Variants in SDK1 observed in about 807,000 individuals in gnomAD.
SDK1 encodes the protein protein sidekick-1.
SDK1 carries 157 observed loss-of-function variants against 245.5 expected under a neutral mutation model. That is an observed-to-expected ratio of 0.64 (90% CI 0.56 to 0.73). The LOEUF is 0.73. Among genes scored for constraint, SDK1 ranks in the 30% least tolerant of loss-of-function variants. The pLI is 0.00. For missense variants in SDK1, 3,583 were observed against 3,002.3 expected (o/e 1.19, Z -4.52); for synonymous variants, 1,647 against 1,278.5 (o/e 1.29, Z -6.15).
intron 29 of SDK1, among the ~76,000 whole-genome samples, chr7:4,146,606 A>G (rs952827681): frequency 2.0e-5 from 3 of 152,242 alleles, no homozygotes; most frequent in African/African-American, 7.2e-5. Flanking sequence ...GCAAGGCTGC[A>G]GAGTCACCAC....
intron 4 of SDK1, among the ~76,000 whole-genome samples, chr7:3,801,145 A>G (rs1056074641): frequency 1.3e-5 from 2 of 152,236 alleles, no homozygotes; most frequent in Admixed American, 6.5e-5. Flanking sequence ...ATGATTAAAT[A>G]AGACACATCA....
At chr7:3,949,862 A>T (rs2128124730) in intron 5 of SDK1, among the ~76,000 whole-genome samples, 1 of 152,364 alleles carries the variant, frequency 6.6e-6, no homozygotes, top group African/African-American at 2.4e-5. Context: ...TTGAAACTGC[A>T]GTAACAGAAC....
At chr7:3,676,465 A>G (rs576869693) in intron 4 of SDK1, among the ~76,000 whole-genome samples, 2 of 151,998 alleles carry the variant, frequency 1.3e-5, no homozygotes, top group South Asian at 4.2e-4. Context: ...AGCTGGGACT[A>G]CAGGCGCCTG....
rs1584446736 is a variant in SDK1, at chr7:4,207,559, C to T, written c.5215-540C>T. On this transcript the variant is annotated intron_variant, in intron 36 of 44. Transcript: ENST00000404826. Reference sequence around the variant, plus strand: ...TGTTGTTTTTGATTGCTTTAATCTCCAAAGTATATTGCCATATTGAGGAAA... The same window carrying T: ...TGTTGTTTTTGATTGCTTTAATCTCTAAAGTATATTGCCATATTGAGGAAA... 3.3e-5 allele frequency among the ~76,000 whole-genome samples: 5 copies of T among 152,138 alleles called. No homozygotes were observed. The South Asian group carries it at 1.0e-3, about 31-fold the overall frequency.
In SDK1 at chr7:3,534,519, A is replaced by C. The variant is rs147914000; in HGVS notation, c.299-84561A>C. ...TCCTAGAAACAATATATAGCATTCAAATTTCTCCACATCCTCCCCAGCACT... is the reference window on the plus strand; with the variant it reads ...TCCTAGAAACAATATATAGCATTCACATTTCTCCACATCCTCCCCAGCACT... On this transcript the variant is annotated intron_variant, in intron 1 of 44. Coordinates refer to ENST00000404826, the MANE Select transcript of SDK1 (RefSeq NM_152744.4). 2.4e-4 allele frequency among the ~76,000 whole-genome samples: 36 copies of C among 152,194 alleles called. No individual in the cohort carries two copies. The East Asian group carries it at 6.8e-3, about 29-fold the overall frequency.
At chr7:3,466,892 A>C (rs1392852098) in intron 1 of SDK1, among the ~76,000 whole-genome samples, 2 of 151,728 alleles carry the variant, frequency 1.3e-5, no homozygotes, top group Non-Finnish European at 1.5e-5. Flanking sequence ...ATTGATTTTT[A>C]AAGCTGGAAA....
At chr7:3,970,080 C>T (rs1782368436) in intron 11 of SDK1, among the ~76,000 whole-genome samples, 1 of 152,166 alleles carries the variant, frequency 6.6e-6, no homozygotes, top group African/African-American at 2.4e-5. Context: ...CACTTTTTAA[C>T]TTCAATTGCC....
At chr7:3,842,013 G>A (rs1470853827) in intron 5 of SDK1, among the ~76,000 whole-genome samples, 1 of 152,210 alleles carries the variant, frequency 6.6e-6, no homozygotes, top group African/African-American at 2.4e-5. Flanking sequence ...CCACCTCCAT[G>A]GCTGTAGCCT....
chr7:3,973,308 A>G lies in SDK1; in HGVS notation c.1818-1061A>G, dbSNP rs538603648. On this transcript the variant is annotated intron_variant, in intron 12 of 44. Coordinates refer to ENST00000404826, the MANE Select transcript of SDK1 (RefSeq NM_152744.4). ...TTTGTAAATGTCTGTGCTTATGACT[A>G]TGAAGTCTTTAAAGAACTGGGCACA... 1.4e-4 allele frequency among the ~76,000 whole-genome samples: 21 copies of G among 152,306 alleles called. No homozygotes were observed. In the South Asian group the frequency reaches 4.1e-3, roughly 30 times the overall value.
intron 1 of SDK1, among the ~76,000 whole-genome samples, chr7:3,506,011 T>C (rs1347803435): frequency 6.6e-6 from 1 of 152,206 alleles, no homozygotes; most frequent in Non-Finnish European, 1.5e-5. Flanking sequence ...GTCAGTTTTC[T>C]CTTAAATTTA....
intron 5 of SDK1, among the ~76,000 whole-genome samples, chr7:3,846,370 C>T (rs1389938159): frequency 4.6e-5 from 7 of 152,096 alleles, no homozygotes; most frequent in Admixed American, 2.6e-4. Flanking sequence ...GGAATTCCAG[C>T]CTTTGATTTT....
chr7:3,642,045 A>C lies in SDK1; in HGVS notation c.653A>C (p.Tyr218Ser). 6.2e-7 allele frequency: 1 copy of C among 1,614,098 alleles called. No homozygotes were observed. The highest frequency in any genetic ancestry group is 1.3e-5 in the African/African-American group (1 of 75,040). Residue 218 changes from tyrosine to serine, a missense_variant, in exon 4 of 45, where the codon TAC becomes TCC. Physicochemically the swap from Tyr to Ser is moderately radical, Grantham distance 144. Coordinates refer to ENST00000404826, the MANE Select transcript of SDK1 (RefSeq NM_152744.4). ...CTAAACCTGCTGCCCATCACCAGCT[A>C]CCCCAGACCTCAAGTGACTTGGTTT... ...AILNLLPITS[Y>S]PRPQVTWFRE...
intron 35 of SDK1, among the ~76,000 whole-genome samples, chr7:4,188,627 G>T (rs1446862262): frequency 6.7e-6 from 1 of 150,286 alleles, no homozygotes; most frequent in African/African-American, 2.5e-5. Context: ...TATTCACCCA[G>T]ATATTTTTTC....
chr7:3,926,175 A>G (rs1779760151), intron 5 of SDK1, among the ~76,000 whole-genome samples: 1 of 152,148 alleles, frequency 6.6e-6, no homozygotes, highest in Admixed American at 6.5e-5. Flanking sequence ...TTCCCGTGGG[A>G]AGGGCATGGC....
intron 5 of SDK1, among the ~76,000 whole-genome samples, chr7:3,856,090 G>A (rs576393693): frequency 4.6e-5 from 7 of 152,234 alleles, no homozygotes; most frequent in East Asian, 1.9e-4. Flanking sequence ...GGAAGACTGG[G>A]GAGAAGAGAG....
At chr7:3,441,374 C>T (rs1250459957) in intron 1 of SDK1, among the ~76,000 whole-genome samples, 2 of 151,066 alleles carry the variant, frequency 1.3e-5, no homozygotes, top group Non-Finnish European at 3.0e-5. Context: ...TGTGTGGATC[C>T]AAAATCTCAA....
intron 27 of SDK1, among the ~76,000 whole-genome samples, chr7:4,131,292 C>G (rs1387240313): frequency 6.6e-6 from 1 of 152,214 alleles, no homozygotes; most frequent in African/African-American, 2.4e-5. Flanking sequence ...TGCCTTCCTC[C>G]TCTGCTTTCC....
intron 4 of SDK1, among the ~76,000 whole-genome samples, chr7:3,803,745 C>CTTTT (rs60802259): frequency 8.3e-5 from 10 of 119,976 alleles, no homozygotes; most frequent in African/African-American, 1.9e-4. Flanking sequence ...GTATTTTCCT[C>CTTTT]TTTTTTTTTT....
In SDK1 at chr7:4,030,536, T is replaced by C. The variant is rs79936549; in HGVS notation, c.2602+13184T>C. Among the ~76,000 whole-genome samples, 1,413 of 152,310 alleles carry C rather than the reference T, an allele frequency of 9.3e-3. 24 individuals are homozygous for C. Among genetic ancestry groups the C allele is most frequent in the African/African-American group, 0.032 (1,312 of 41,560 alleles). On this transcript the variant is annotated intron_variant, in intron 17 of 44. Transcript: ENST00000404826. ...CAGCAAGTTGGCACATGCCGTGACCTAGGAGGGCCCCTGGGGCACCTTCTC... is the reference window on the plus strand; with the variant it reads ...CAGCAAGTTGGCACATGCCGTGACCCAGGAGGGCCCCTGGGGCACCTTCTC...
Sources: allele counts gnomAD v4.1 joint callset (sites outside exome capture counted in the v4.1 genomes callset), GRCh38; gene constraint gnomAD v4.1.1; transcripts MANE v1.5; gene names NCBI Gene and HGNC (gene_info 2026-07-23, HGNC 2026-07-21).